Variants in KCNH5 observed in about 807,000 individuals in gnomAD.
KCNH5 encodes voltage-gated delayed rectifier potassium channel KCNH5.
In KCNH5, 46 loss-of-function variants were observed where a neutral mutation model predicts 96.1. The observed-to-expected ratio is 0.48, with a 90% CI of 0.38 to 0.61. The LOEUF is 0.61. Ranked by LOEUF, KCNH5 falls within the 20% of genes least tolerant of loss-of-function variation. The probability of loss-of-function intolerance (pLI) is 0.00; values close to 1 mark genes in which losing one functional copy is unlikely to be tolerated. For synonymous variants in KCNH5, 439 were observed against 449.8 expected (o/e 0.98, Z 0.30); for missense variants, 907 against 1,225.8 (o/e 0.74, Z 3.88).
At chr14:62,717,976 G>A (rs770163310) in intron 10 of KCNH5, among the ~76,000 whole-genome samples, 3 of 152,182 alleles carry the variant, frequency 2.0e-5, no homozygotes, top group Non-Finnish European at 4.4e-5. Flanking sequence ...GCAGCAATAT[G>A]GAGGCAGCTA....
chr14:62,866,848 C>A (rs1354971902), intron 7 of KCNH5, among the ~76,000 whole-genome samples: 1 of 152,174 alleles, frequency 6.6e-6, no homozygotes, highest in Non-Finnish European at 1.5e-5. Flanking sequence ...AGGTACTCCT[C>A]TCTCAGCTAA....
At chr14:62,795,103 A>G (rs556316833) in intron 9 of KCNH5, among the ~76,000 whole-genome samples, 50 of 152,134 alleles carry the variant, frequency 3.3e-4, no homozygotes, top group Non-Finnish European at 5.4e-4. Flanking sequence ...TAACAGTAGG[A>G]AAATGTTTCT....
intron 4 of KCNH5, among the ~76,000 whole-genome samples, chr14:62,988,060 G>A (rs1016751805): frequency 3.7e-4 from 56 of 152,090 alleles, no homozygotes; most frequent in African/African-American, 1.2e-3. Context: ...GTGACTTTTG[G>A]GGGAAAGAAA....
intron 10 of KCNH5, among the ~76,000 whole-genome samples, chr14:62,749,213 G>T (rs1191981066): frequency 6.6e-6 from 1 of 152,168 alleles, no homozygotes; most frequent in Non-Finnish European, 1.5e-5. Flanking sequence ...AAAGTAGAAT[G>T]CCAATCCATA....
chr14:62,955,631 C>G (rs546336557), intron 6 of KCNH5, among the ~76,000 whole-genome samples: 4 of 152,276 alleles, frequency 2.6e-5, no homozygotes, highest in African/African-American at 4.8e-5. Flanking sequence ...CTTATCCAAC[C>G]ACATGAATAC....
At chr14:63,004,066 C>A (rs544572480) in intron 3 of KCNH5, among the ~76,000 whole-genome samples, 2 of 152,204 alleles carry the variant, frequency 1.3e-5, no homozygotes, top group East Asian at 1.9e-4. Context: ...GCCGCAATTC[C>A]CCCATTTGCA....
At chr14:62,940,220 C>T (rs1040731) in intron 7 of KCNH5, among the ~76,000 whole-genome samples, 106,137 of 151,996 alleles carry the variant, frequency 0.7, 37,924 homozygotes, top group East Asian at 0.9. Flanking sequence ...CATCTGTTTA[C>T]GTATTGTTTA....
intron 10 of KCNH5, among the ~76,000 whole-genome samples, chr14:62,768,270 G>C (rs1045735347): frequency 6.6e-6 from 1 of 152,104 alleles, no homozygotes; most frequent in Non-Finnish European, 1.5e-5. Context: ...GTTAGGATAA[G>C]AAAATTTGCA....
rs747043465 is a variant in KCNH5, at chr14:63,006,388, T to C, written c.282A>G (p.Glu94=). 1.9e-6 allele frequency: 3 copies of C among 1,611,508 alleles called. No individual in the cohort carries two copies. In the Admixed American group the frequency reaches 5.0e-5, roughly 27 times the overall value. The change falls in exon 3 of 11, where the codon GAA becomes GAG. Residue 94 remains glutamate, a synonymous_variant. Coordinates refer to ENST00000322893, the MANE Select transcript of KCNH5 (RefSeq NM_139318.5). ...TFDNYESNCF[E]VLLYKKNRTP... ...TACTGTTTTTCTTGTACAGAAGAAC[T>C]TCAAAGCAGTTTGATTCGTAGTTGT...
At chr14:62,999,752 T>C (rs536643549) in intron 4 of KCNH5, among the ~76,000 whole-genome samples, 94 of 145,776 alleles carry the variant, frequency 6.4e-4, no homozygotes, top group Admixed American at 2.5e-3. Context: ...TTAGGAGATA[T>C]ACCTAATGCT....
chr14:62,795,928 T>G (rs1282411507), intron 9 of KCNH5, among the ~76,000 whole-genome samples: 1 of 151,958 alleles, frequency 6.6e-6, no homozygotes, highest in Non-Finnish European at 1.5e-5. Flanking sequence ...AGAGAAAAAG[T>G]ATTCTAAATA....
At chr14:62,956,069 C>T (rs1324611915) in intron 6 of KCNH5, among the ~76,000 whole-genome samples, 1 of 152,118 alleles carries the variant, frequency 6.6e-6, no homozygotes, top group Admixed American at 6.6e-5. Flanking sequence ...CTGAGCATAT[C>T]GTCCAAGGGC....
chr14:62,794,952 G>A (rs1886509000), intron 9 of KCNH5, among the ~76,000 whole-genome samples: 1 of 152,076 alleles, frequency 6.6e-6, no homozygotes, highest in Non-Finnish European at 1.5e-5. Context: ...TGGTCAACAA[G>A]CAGGTATAAG....
intron 6 of KCNH5, among the ~76,000 whole-genome samples, chr14:62,960,509 TG>T (rs1281109616): frequency 5.3e-5 from 8 of 152,202 alleles, no homozygotes; most frequent in Non-Finnish European, 1.2e-4. Context: ...AATTAATAGC[TG>T]CTTAATTTTC....
At chr14:62,727,300 G>A (rs1884948724) in intron 10 of KCNH5, among the ~76,000 whole-genome samples, 1 of 152,086 alleles carries the variant, frequency 6.6e-6, no homozygotes, top group African/African-American at 2.4e-5. Flanking sequence ...GGGACGTGGG[G>A]GTGACAGTGA....
At chr14:62,960,766 A>T (rs1370577920) in intron 6 of KCNH5, among the ~76,000 whole-genome samples, 1 of 152,064 alleles carries the variant, frequency 6.6e-6, no homozygotes, top group Non-Finnish European at 1.5e-5. Context: ...CACTGCTCCA[A>T]CTCAAGCTAC....
intron 9 of KCNH5, among the ~76,000 whole-genome samples, chr14:62,781,689 C>G (rs563671664): frequency 1.3e-5 from 2 of 152,322 alleles, no homozygotes; most frequent in Admixed American, 6.5e-5. Context: ...CCGGGCTCAC[C>G]GGAGGTCAGA....
chr14:62,964,137 C>G (rs1890262583), intron 6 of KCNH5, among the ~76,000 whole-genome samples: 1 of 152,020 alleles, frequency 6.6e-6, no homozygotes, highest in Admixed American at 6.6e-5. Flanking sequence ...TTCCTTTTTT[C>G]AGGCTCACTT....
chr14:63,040,463 T>A (rs1251595050), intron 1 of KCNH5, among the ~76,000 whole-genome samples: 2 of 152,120 alleles, frequency 1.3e-5, no homozygotes, highest in Admixed American at 6.6e-5. Flanking sequence ...AATTTCAACC[T>A]CTTTGATATT....
Sources: gnomAD v4.1 joint callset for allele counts (sites outside exome capture counted in the v4.1 genomes callset) on GRCh38, gnomAD v4.1.1 for gene constraint, MANE v1.5 for transcripts, NCBI Gene and HGNC (gene_info 2026-07-23, HGNC 2026-07-21) for gene names.